Variants in CEP76 observed in about 807,000 individuals in gnomAD.
CEP76 encodes centrosomal protein 76.
Under a neutral mutation model 83.3 loss-of-function variants are expected in CEP76, and 55 were observed. The observed-to-expected ratio is 0.66, with a 90% CI of 0.53 to 0.83. The LOEUF (loss-of-function observed/expected upper bound fraction) is 0.83. CEP76 is among the 40% of genes least tolerant of loss of function. The pLI is 0.00. For synonymous variants in CEP76, 270 were observed against 274.5 expected, an observed-to-expected ratio of 0.98 and a Z score of 0.16; for missense variants, 694 against 799.5, an observed-to-expected ratio of 0.87 and a Z score of 1.59.
At chr18:12,684,464 C>T (rs1260021419) in intron 8 of CEP76, 2 of 148,782 alleles carry the variant, frequency 1.3e-5, no homozygotes, top group Non-Finnish European at 3.0e-5. Context: ...GCTCTGTCAC[C>T]CAGGCTAAAG....
At chr18:12,685,260 A>G (rs1434208211) in intron 8 of CEP76, 1 of 152,090 alleles carries the variant, frequency 6.6e-6, no homozygotes, top group African/African-American at 2.4e-5. Flanking sequence ...TCTGCCTCCC[A>G]AAGTGCTGGG....
chr18:12,668,288 C>A (rs1217877960), downstream of CEP76, among the ~76,000 whole-genome samples: 3 of 150,586 alleles, frequency 2.0e-5, no homozygotes, highest in Non-Finnish European at 4.4e-5. Flanking sequence ...CCCACCGCCA[C>A]TGGCCAAAAA....
rs2040087534 is a variant in CEP76, at chr18:12,699,774, C to T, written c.295+56G>A. On this transcript the variant is annotated intron_variant, in intron 3 of 11. Coordinates refer to ENST00000262127, the MANE Select transcript of CEP76 (RefSeq NM_024899.4). ...GTCTTCTATCAAATACGAAAGACTACACCACATCAATATTTACTATTAACC... is the reference window on the plus strand; with the variant it reads ...GTCTTCTATCAAATACGAAAGACTATACCACATCAATATTTACTATTAACC... The T allele has an allele frequency of 8.1e-6, 8 of 985,404 alleles. No homozygotes were observed. The South Asian group carries it at 9.9e-5, about 12-fold the overall frequency. The allele number at this position is 985,404 out of a possible 1,614,324, so 61.0% of individuals were successfully genotyped here.
intron 12 of CEP76, chr18:12,665,204 G>T (rs1218901971): frequency 1.3e-5 from 2 of 152,080 alleles, no homozygotes; most frequent in African/African-American, 4.8e-5. Flanking sequence ...AATGAATTCA[G>T]CACATTCCAG....
At chr18:12,699,765 G>C (rs1291366676) in intron 3 of CEP76, 65 bp downstream of exon 3, 1 of 898,244 alleles carries the variant, frequency 1.1e-6, no homozygotes, top group South Asian at 1.9e-5. Flanking sequence ...TATCAAATAC[G>C]AAAGACTACA....
chr18:12,700,828 C>T, intron 2 of CEP76, 130 bp downstream of exon 2: 1 of 619,474 alleles, frequency 1.6e-6, no homozygotes, highest in Non-Finnish European at 2.7e-6. Context: ...GAAACAAGGA[C>T]ACTAGTAAAC....
chr18:12,683,849 TAC>T (rs1221911735), intron 8 of CEP76, among the ~76,000 whole-genome samples: 1 of 151,916 alleles, frequency 6.6e-6, no homozygotes, highest in Non-Finnish European at 1.5e-5. Context: ...AAAATTTATT[TAC>T]AATTATAATT....
At chr18:12,671,501 C>A (rs2038941294), downstream of CEP76, among the ~76,000 whole-genome samples, 1 of 151,988 alleles carries the variant, frequency 6.6e-6, no homozygotes, top group Non-Finnish European at 1.5e-5. Context: ...AATGGGCAAT[C>A]AAACCCCTCA....
At chr18:12,680,425 G>A (rs1247280155) in intron 9 of CEP76, among the ~76,000 whole-genome samples, 1 of 151,766 alleles carries the variant, frequency 6.6e-6, no homozygotes, top group Non-Finnish European at 1.5e-5. Flanking sequence ...GTGAAAACTT[G>A]TCTCTACTAA....
At chr18:12,662,590 A>G (rs1021899407) in intron 12 of CEP76, among the ~76,000 whole-genome samples, 6 of 152,166 alleles carry the variant, frequency 3.9e-5, no homozygotes, top group Admixed American at 3.3e-4. Flanking sequence ...AGCCTGGGCA[A>G]TGTGATGAAA....
chr18:12,671,074 T>C (rs375577647), downstream of CEP76: 2 of 151,450 alleles, frequency 1.3e-5, no homozygotes, highest in South Asian at 4.2e-4. Context: ...TTTAAACAAA[T>C]TGAATATTTA....
intron 8 of CEP76, among the ~76,000 whole-genome samples, chr18:12,681,996 TA>T (rs1163314226): frequency 1.6e-3 from 217 of 135,982 alleles, no homozygotes; most frequent in Middle Eastern, 3.6e-3. Flanking sequence ...ACTCTGTCTC[TA>T]AAAAAAAAAA....
intron 4 of CEP76, among the ~76,000 whole-genome samples, chr18:12,697,618 G>GAGTT (rs1207573664): frequency 6.6e-6 from 1 of 152,312 alleles, no homozygotes; most frequent in East Asian, 1.9e-4. Flanking sequence ...AAATTGTGAT[G>GAGTT]AGTTATCCAG....
intron 4 of CEP76, 35 bp from the exon 5 acceptor site, chr18:12,697,443 T>C (rs1172452645): frequency 7.1e-6 from 10 of 1,406,678 alleles, no homozygotes; most frequent in African/African-American, 1.4e-5. Context: ...TATACCACAC[T>C]ACATATTCAG....
intron 1 of CEP76, among the ~76,000 whole-genome samples, chr18:12,702,200 G>A (rs2040180013): frequency 6.6e-6 from 1 of 152,206 alleles, no homozygotes; most frequent in Non-Finnish European, 1.5e-5. Context: ...CCGACTTCCA[G>A]AAGTCGCTCG....
intron 12 of CEP76, among the ~76,000 whole-genome samples, chr18:12,664,535 G>T (rs1598602894): frequency 6.6e-6 from 1 of 151,880 alleles, no homozygotes; most frequent in East Asian, 2.0e-4. Flanking sequence ...GGGTGACAGA[G>T]CGAGACTCCG....
chr18:12,685,029 T>A (rs1598635705), intron 8 of CEP76: 1 of 151,980 alleles, frequency 6.6e-6, no homozygotes, highest in East Asian at 1.9e-4. Context: ...TTTTATGGAG[T>A]TTCGCTCGTT....
intron 6 of CEP76, 33 bp downstream of exon 6, chr18:12,695,219 AAC>A (rs1343405607): frequency 2.1e-6 from 2 of 960,086 alleles, no homozygotes; most frequent in Middle Eastern, 2.5e-4. Flanking sequence ...TATGAAAACA[AAC>A]ACACAAAAAA....
At chr18:12,668,711 A>G (rs1292925508), downstream of CEP76, among the ~76,000 whole-genome samples, 1 of 142,070 alleles carries the variant, frequency 7.0e-6, no homozygotes, top group African/African-American at 2.6e-5. Context: ...TGTGTTGTCT[A>G]CCTAGCAAGA....
Sources: gnomAD v4.1 joint callset for allele counts (sites outside exome capture counted in the v4.1 genomes callset) on GRCh38, gnomAD v4.1.1 for gene constraint, MANE v1.5 for transcripts, NCBI Gene and HGNC (gene_info 2026-07-23, HGNC 2026-07-21) for gene names.